The following GABRB1 variants were observed in gnomAD, a reference collection of about 807,000 sequenced individuals.
The protein encoded by GABRB1 is gamma-aminobutyric acid receptor subunit beta-1.
A neutral mutation model predicts 51.6 loss-of-function variants in GABRB1; 17 were observed. That is an observed-to-expected ratio of 0.33 (90% CI 0.23 to 0.49). The LOEUF (loss-of-function observed/expected upper bound fraction) is 0.49. Ranked by LOEUF, GABRB1 falls within the 20% of genes least tolerant of loss-of-function variation. The pLI is 0.99. For synonymous variants in GABRB1, 247 were observed against 218.9 expected (o/e 1.13, Z -1.14); for missense variants, 410 against 600.6 (o/e 0.68, Z 3.32).
chr4:47,043,719 G>A (rs541243806), intron 3 of GABRB1, among the ~76,000 whole-genome samples: 2 of 152,132 alleles, frequency 1.3e-5, no homozygotes, highest in East Asian at 1.9e-4. Context: ...CAAAATATGG[G>A]ACCCTATCTG....
chr4:47,204,652 T>G (rs1720044750), intron 4 of GABRB1, among the ~76,000 whole-genome samples: 1 of 152,098 alleles, frequency 6.6e-6, no homozygotes, highest in African/African-American at 2.4e-5. Context: ...CGTCCTATTC[T>G]CATAGTGAAT....
intron 4 of GABRB1, among the ~76,000 whole-genome samples, chr4:47,316,555 C>T (rs1724898873): frequency 6.6e-6 from 1 of 151,796 alleles, no homozygotes; most frequent in Admixed American, 6.6e-5. Flanking sequence ...TCCTATGCCC[C>T]ATGTTAACAC....
At position 46,998,732 on chromosome 4, in the gene GABRB1, T is replaced by TAAAAAAA. The variant is rs1031492003; in HGVS notation, c.-20+4823_-20+4829dup. ...CTGGGCCACTGAGCAAGACTCTGTC[T>TAAAAAAA]AAAAAAAAAAAAAAAAAAAAAAAGT... On this transcript the variant is annotated intron_variant, in intron 1 of 3. Coordinates refer to the GABRB1 transcript ENST00000513567. 4.7e-3 allele frequency among the ~76,000 whole-genome samples: 311 copies of TAAAAAAA among 66,368 alleles called. 4 individuals carry two copies. The highest frequency in any genetic ancestry group is 0.012 in the East Asian group (26 of 2,166). The allele number at this position is 66,368 out of a possible 152,430, so 43.5% of individuals were successfully genotyped here. A position where few individuals can be genotyped will look rare whatever the true frequency, so the allele number is the denominator to read the frequency against.
At chr4:47,337,741 C>T (rs868249622) in intron 5 of GABRB1, among the ~76,000 whole-genome samples, 1 of 140,994 alleles carries the variant, frequency 7.1e-6, no homozygotes, top group South Asian at 2.2e-4. Context: ...ATCTGGGCAG[C>T]AAAGGTTTCA....
At chr4:47,240,703 C>A (rs916049731) in intron 4 of GABRB1, among the ~76,000 whole-genome samples, 3 of 152,156 alleles carry the variant, frequency 2.0e-5, no homozygotes, top group Admixed American at 2.0e-4. Context: ...ATTTTCAGTA[C>A]CTCAGTACTC....
chr4:47,046,093 C>T (rs1194091848), intron 3 of GABRB1, among the ~76,000 whole-genome samples: 1 of 151,980 alleles, frequency 6.6e-6, no homozygotes, highest in Non-Finnish European at 1.5e-5. Flanking sequence ...TGGCATTTCC[C>T]CTGCTTACCC....
intron 5 of GABRB1, among the ~76,000 whole-genome samples, chr4:47,401,825 TATCTATCTATCTATC>T (rs1465505386): frequency 5.5e-5 from 2 of 36,214 alleles, no homozygotes; most frequent in African/African-American, 5.8e-4. Context: ...TCTATCTAGC[TATCTATCTATCTATC>T]ATCTATCTAT....
At chr4:47,257,382 T>A (rs1357819722) in intron 4 of GABRB1, among the ~76,000 whole-genome samples, 3 of 152,192 alleles carry the variant, frequency 2.0e-5, no homozygotes, top group Non-Finnish European at 4.4e-5. Context: ...TGTGAAACTC[T>A]CATCAGATTA....
intron 3 of GABRB1, among the ~76,000 whole-genome samples, chr4:47,082,159 A>G (rs989877849): frequency 6.6e-6 from 1 of 152,146 alleles, no homozygotes; most frequent in East Asian, 1.9e-4. Context: ...GTAAGAGTTG[A>G]GGGTCCCCTG....
intron 3 of GABRB1, among the ~76,000 whole-genome samples, chr4:47,091,118 G>A (rs899232080): frequency 6.6e-6 from 1 of 151,546 alleles, no homozygotes; most frequent in Non-Finnish European, 1.5e-5. Flanking sequence ...CTAAGAAGAG[G>A]GCTGTTTGCT....
intron 3 of GABRB1, among the ~76,000 whole-genome samples, chr4:47,157,200 A>AGCT (rs1717745680): frequency 6.6e-6 from 1 of 152,108 alleles, no homozygotes. Flanking sequence ...CTCAAGAAAT[A>AGCT]GCTTGCACAC....
rs548139866 is a variant in GABRB1, at chr4:47,332,489, T to C, written c.544+12280T>C. On this transcript the variant is annotated intron_variant, in intron 5 of 8. Transcript: ENST00000295454. ...ACATACGAATAATGAAACAAGTATA[T>C]AATTTAGTTCCCATATAGGTGTCAA... Among the ~76,000 whole-genome samples, 12 of 152,320 alleles carry C rather than the reference T, an allele frequency of 7.9e-5. No individual in the cohort carries two copies. In the East Asian group the frequency reaches 2.3e-3, roughly 29 times the overall value.
At chr4:47,376,625 C>T (rs1727391047) in intron 5 of GABRB1, among the ~76,000 whole-genome samples, 2 of 152,096 alleles carry the variant, frequency 1.3e-5, no homozygotes, top group South Asian at 2.1e-4. Flanking sequence ...CCAGCCTGGG[C>T]GACTGAGCGA....
chr4:47,275,945 T>C (rs1399297949), intron 4 of GABRB1, among the ~76,000 whole-genome samples: 1 of 152,168 alleles, frequency 6.6e-6, no homozygotes, highest in Non-Finnish European at 1.5e-5. Flanking sequence ...TATCCTGTGA[T>C]TCTTACAATT....
At chr4:47,418,953 AAT>A (rs1729014099) in intron 8 of GABRB1, among the ~76,000 whole-genome samples, 1 of 152,228 alleles carries the variant, frequency 6.6e-6, no homozygotes, top group African/African-American at 2.4e-5. Context: ...TGTGAGCATG[AAT>A]ATAATGTTAA....
At chr4:47,215,294 G>A (rs1720512163) in intron 4 of GABRB1, among the ~76,000 whole-genome samples, 1 of 152,116 alleles carries the variant, frequency 6.6e-6, no homozygotes. Flanking sequence ...TATTGAAAAT[G>A]AAGTCTTCTT....
intron 4 of GABRB1, among the ~76,000 whole-genome samples, chr4:47,260,717 G>A (rs1316067195): frequency 3.3e-5 from 5 of 152,064 alleles, no homozygotes; most frequent in South Asian, 2.1e-4. Context: ...GATGGGCTTC[G>A]ATACCAAAGC....
At chr4:47,296,025 G>A (rs988460844) in intron 4 of GABRB1, among the ~76,000 whole-genome samples, 1 of 151,984 alleles carries the variant, frequency 6.6e-6, no homozygotes, top group Non-Finnish European at 1.5e-5. Flanking sequence ...ATAAGTGAAG[G>A]AGAAATAAAA....
At chr4:47,080,290 A>T (rs1727769509) in intron 3 of GABRB1, among the ~76,000 whole-genome samples, 1 of 125,238 alleles carries the variant, frequency 8.0e-6, no homozygotes, top group African/African-American at 3.2e-5. Context: ...CAGATCCCAA[A>T]GAATGAAGAA....
Sources: gnomAD v4.1 joint callset for allele counts (sites outside exome capture counted in the v4.1 genomes callset) on GRCh38, gnomAD v4.1.1 for gene constraint, MANE v1.5 for transcripts, NCBI Gene and HGNC (gene_info 2026-07-23, HGNC 2026-07-21) for gene names.